The following CNTN4 variants were observed in gnomAD, a reference collection of about 807,000 sequenced individuals.
CNTN4 encodes contactin-4.
CNTN4 carries 77 observed loss-of-function variants against 122.5 expected under a neutral mutation model. The ratio of observed to expected loss-of-function variants is 0.63; its 90% CI spans 0.52 to 0.76. CNTN4 has a LOEUF of 0.76. Ranked by LOEUF, CNTN4 falls within the 30% of genes least tolerant of loss-of-function variation. The pLI is 0.00. For missense variants in CNTN4, 1,256 were observed against 1,259.1 expected, an observed-to-expected ratio of 1.00 and a Z score of 0.04; for synonymous variants, 512 against 447.0, an observed-to-expected ratio of 1.15 and a Z score of -1.83.
intron 4 of CNTN4, among the ~76,000 whole-genome samples, chr3:2,575,053 G>T (rs1463687449): frequency 2.0e-5 from 3 of 151,952 alleles, no homozygotes; most frequent in African/African-American, 7.3e-5. Context: ...TTTAAAATAG[G>T]TAGAAGAGAA....
chr3:2,411,255 G>A (rs139667938), intron 3 of CNTN4, among the ~76,000 whole-genome samples: 109 of 152,174 alleles, frequency 7.2e-4, no homozygotes, highest in African/African-American at 2.2e-3. Flanking sequence ...ATTGATAGGT[G>A]CAGCAAACCA....
intron 2 of CNTN4, among the ~76,000 whole-genome samples, chr3:2,193,598 A>C (rs2037693449): frequency 1.3e-5 from 2 of 152,198 alleles, no homozygotes; most frequent in African/African-American, 4.8e-5. Context: ...AACAACACTG[A>C]AACACAGCCA....
chr3:2,239,578 T>C (rs905542896), intron 2 of CNTN4, among the ~76,000 whole-genome samples: 1 of 152,220 alleles, frequency 6.6e-6, no homozygotes, highest in Non-Finnish European at 1.5e-5. Flanking sequence ...CAGTTCCTTA[T>C]TTATAGTCAG....
intron 8 of CNTN4, among the ~76,000 whole-genome samples, chr3:2,882,470 A>C (rs2093923579): frequency 6.6e-6 from 1 of 152,218 alleles, no homozygotes; most frequent in African/African-American, 2.4e-5. Flanking sequence ...ATAATTGTAG[A>C]GTCATTTTCC....
intron 3 of CNTN4, among the ~76,000 whole-genome samples, chr3:2,497,568 G>A (rs2076485873): frequency 6.6e-6 from 1 of 152,118 alleles, no homozygotes; most frequent in African/African-American, 2.4e-5. Flanking sequence ...TTAGGGGTGG[G>A]AGTTAAGTCT....
At chr3:2,436,353 G>T (rs1332331813) in intron 3 of CNTN4, among the ~76,000 whole-genome samples, 3 of 152,078 alleles carry the variant, frequency 2.0e-5, no homozygotes, top group African/African-American at 7.2e-5. Context: ...AAGTAAATGA[G>T]ACAGGAAAGG....
intron 2 of CNTN4, among the ~76,000 whole-genome samples, chr3:2,221,892 A>G (rs570336680): frequency 2.6e-5 from 4 of 152,298 alleles, no homozygotes; most frequent in South Asian, 2.1e-4. Flanking sequence ...GACAGTAATA[A>G]CACTTTTTAA....
chr3:2,368,655 AT>A (rs1183219919), intron 3 of CNTN4, among the ~76,000 whole-genome samples: 3 of 146,188 alleles, frequency 2.1e-5, no homozygotes, highest in Non-Finnish European at 4.4e-5. Context: ...TACCCTTCAC[AT>A]TTTCTTAAAT....
At chr3:2,696,949 T>C (rs1022340023) in intron 4 of CNTN4, among the ~76,000 whole-genome samples, 1 of 152,190 alleles carries the variant, frequency 6.6e-6, no homozygotes, top group East Asian at 1.9e-4. Context: ...TTTAATAAAG[T>C]ATGTGAATAC....
At chr3:2,540,907 A>G (rs1439017103) in intron 3 of CNTN4, among the ~76,000 whole-genome samples, 1 of 152,180 alleles carries the variant, frequency 6.6e-6, no homozygotes, top group Non-Finnish European at 1.5e-5. Context: ...CTAACAATGG[A>G]ACCAATTGTA....
At position 2,575,806 on chromosome 3, in the gene CNTN4, CTTCTTTTT is replaced by C. The variant is rs1297617612; in HGVS notation, c.55+4251_55+4258del. On this transcript the variant is annotated intron_variant, in intron 4 of 24. Transcript: ENST00000418658. ...TAATGATATATTTTGCTTTCTTCTT[CTTCTTTTT>C]TTTTTTTTTTTTTTTTTTTTTTTGT... 8.2e-3 allele frequency among the ~76,000 whole-genome samples: 872 copies of C among 106,542 alleles called. 15 individuals carry two copies. Among genetic ancestry groups the C allele is most frequent in the South Asian group, 0.075 (223 of 2,954 alleles). The allele number at this position is 106,542 out of a possible 152,430, so 69.9% of individuals were successfully genotyped here.
chr3:2,307,455 C>G (rs1379861589), intron 2 of CNTN4, among the ~76,000 whole-genome samples: 1 of 150,718 alleles, frequency 6.6e-6, no homozygotes, highest in African/African-American at 2.4e-5. Flanking sequence ...AAAAAAATAG[C>G]AAGACAACCA....
chr3:2,690,710 T>C (rs192387991), intron 4 of CNTN4, among the ~76,000 whole-genome samples: 3 of 152,268 alleles, frequency 2.0e-5, no homozygotes, highest in Admixed American at 2.0e-4. Context: ...GTACAGCACA[T>C]GGACTAAGAA....
At chr3:2,485,097 C>T (rs894567110) in intron 3 of CNTN4, among the ~76,000 whole-genome samples, 19 of 152,194 alleles carry the variant, frequency 1.2e-4, no homozygotes, top group African/African-American at 4.3e-4. Context: ...CAGTGCCGGC[C>T]GGCCAGTGCT....
At chr3:2,336,263 T>C (rs2150333173) in intron 2 of CNTN4, among the ~76,000 whole-genome samples, 1 of 152,256 alleles carries the variant, frequency 6.6e-6, no homozygotes, top group South Asian at 2.1e-4. Flanking sequence ...AATTTTATTT[T>C]GACAGCAAAT....
chr3:2,346,025 G>A (rs114201905), intron 3 of CNTN4, among the ~76,000 whole-genome samples: 306 of 152,178 alleles, frequency 2.0e-3, no homozygotes, highest in African/African-American at 5.4e-3. Flanking sequence ...TTTTCAGTGT[G>A]AATTTTCCCC....
chr3:2,938,258 G>C (rs2094583014), intron 13 of CNTN4, among the ~76,000 whole-genome samples: 1 of 151,692 alleles, frequency 6.6e-6, no homozygotes, highest in South Asian at 2.1e-4. Flanking sequence ...TTATCTTGTG[G>C]CCATTTTTAT....
intron 13 of CNTN4, among the ~76,000 whole-genome samples, chr3:2,942,175 A>G (rs2094622800): frequency 6.6e-6 from 1 of 152,336 alleles, no homozygotes. Flanking sequence ...GAAGAAAGAA[A>G]TCAATGGACT....
At chr3:2,408,919 T>A (rs1013093120) in intron 3 of CNTN4, among the ~76,000 whole-genome samples, 4 of 152,176 alleles carry the variant, frequency 2.6e-5, no homozygotes, top group Non-Finnish European at 4.4e-5. Flanking sequence ...AGATATTAAA[T>A]TTTTGAGATT....
Sources: gnomAD v4.1 joint callset for allele counts (sites outside exome capture counted in the v4.1 genomes callset) on GRCh38, gnomAD v4.1.1 for gene constraint, MANE v1.5 for transcripts, NCBI Gene and HGNC (gene_info 2026-07-23, HGNC 2026-07-21) for gene names.